Variants in TOR3A observed in about 807,000 individuals in gnomAD.
The protein encoded by TOR3A is torsin family 3 member A.
TOR3A carries 44 observed loss-of-function variants against 42.1 expected under a neutral mutation model. That is an observed-to-expected ratio of 1.04 (90% CI 0.82 to 1.34). The LOEUF is 1.34. TOR3A is among the 40% of genes most tolerant of loss of function. The pLI, the probability that TOR3A is intolerant of heterozygous loss-of-function variation, is 0.00. For synonymous variants in TOR3A, 227 were observed against 213.2 expected (o/e 1.06, Z -0.57); for missense variants, 521 against 507.6 (o/e 1.03, Z -0.25).
At chr1:179,083,633 A>G (rs903031267) in intron 2 of TOR3A, among the ~76,000 whole-genome samples, 4 of 143,714 alleles carry the variant, frequency 2.8e-5, no homozygotes, top group Middle Eastern at 3.7e-3. Flanking sequence ...CCGGTCTCGA[A>G]CTCCTGACCT....
rs983597706 is a variant in TOR3A at position 179,095,623 on chromosome 1, T to C, written c.*405T>C. On this transcript the variant is annotated 3_prime_UTR_variant, in exon 6 of 6. Coordinates refer to ENST00000367627, the MANE Select transcript of TOR3A (RefSeq NM_022371.4). ...CAGATGGTCTCCTTAGCATCTCAGC[T>C]CTTCTGCAAGGAAGAGCTTGGGTGT... 4 of 1,040,638 alleles carry C rather than the reference T, an allele frequency of 3.8e-6. No homozygotes were observed. In the African/African-American group the frequency reaches 6.8e-5, roughly 18 times the overall value. The allele number at this position is 1,040,638 out of a possible 1,614,324, so 64.5% of individuals were successfully genotyped here.
chr1:179,086,150 C>T (rs953285785), intron 3 of TOR3A, among the ~76,000 whole-genome samples: 4 of 152,306 alleles, frequency 2.6e-5, no homozygotes, highest in South Asian at 4.1e-4. Context: ...TAAGCAGGGA[C>T]GCTGCATGTT....
intron 2 of TOR3A, 101 bp from the exon 3 acceptor site, chr1:179,085,527 C>A: frequency 6.8e-7 from 1 of 1,472,834 alleles, no homozygotes; most frequent in Non-Finnish European, 9.3e-7. Context: ...CTGATTCCAC[C>A]CGAGAGAGAT....
intron 2 of TOR3A, chr1:179,085,422 CA>C (rs369392265): frequency 0.19 from 81,896 of 435,160 alleles, 8 homozygotes; most frequent in East Asian, 0.22. Flanking sequence ...GACTCCATCT[CA>C]AAAAAAAAAA....
Position 179,083,007 on chromosome 1 carries a change from AG to A in TOR3A, c.328del (p.Asp110ThrfsTer17), listed in dbSNP as rs1184939471. 6.3e-7 allele frequency: 1 copy of A among 1,587,336 alleles called. No homozygotes were observed. The highest frequency in any genetic ancestry group is 8.6e-7 in the Non-Finnish European group (1 of 1,167,802). The part of the protein sequence containing the change: ...LLTTWYCSFK[D>X]CCPRGDCRIS... ...TGACCACGTGGTACTGCAGCTTCAAAGACTGCTGCCCTAGAGGGGATTGCAG... is the reference window on the plus strand; with the variant it reads ...TGACCACGTGGTACTGCAGCTTCAAAACTGCTGCCCTAGAGGGGATTGCAG... On this transcript the variant is annotated frameshift_variant, in exon 2 of 6. Transcript: ENST00000367627. LOFTEE classifies it high-confidence loss of function.
In TOR3A at chr1:179,095,500, C is replaced by A. The variant is rs569227331; in HGVS notation, c.*282C>A. On this transcript the variant is annotated 3_prime_UTR_variant, in exon 6 of 6. Coordinates refer to ENST00000367627, the MANE Select transcript of TOR3A (RefSeq NM_022371.4). ...AAGATCACTTGGTGCCTTAAAGACA[C>A]GCATTCCAAAGTGGAATGTGGTTGA... 3.1e-6 allele frequency: 4 copies of A among 1,277,076 alleles called. No homozygotes were observed. The highest frequency in any genetic ancestry group is 4.0e-6 in the Non-Finnish European group (4 of 1,009,616). The allele number at this position is 1,277,076 out of a possible 1,614,324, so 79.1% of individuals were successfully genotyped here. A position where few individuals can be genotyped will look rare whatever the true frequency, so the allele number is the denominator to read the frequency against.
At chr1:179,090,017 G>A (rs562805031) in intron 4 of TOR3A, among the ~76,000 whole-genome samples, 7 of 151,222 alleles carry the variant, frequency 4.6e-5, no homozygotes, top group African/African-American at 7.3e-5. Context: ...TATTTTGGCC[G>A]TCGACCTGAC....
chr1:179,095,414 GAGGT>G lies in TOR3A; in HGVS notation c.*197_*200del. 1.2e-5 allele frequency: 16 copies of G among 1,330,932 alleles called. No homozygotes were observed. Among genetic ancestry groups the G allele is most frequent in the South Asian group, 4.4e-5 (2 of 45,246 alleles). The allele number at this position is 1,330,932 out of a possible 1,614,324, so 82.4% of individuals were successfully genotyped here. A position where few individuals can be genotyped will look rare whatever the true frequency, so the allele number is the denominator to read the frequency against. ...AAGCCAATCCTTTTTCTTTTTTTTG[GAGGT>G]CCCACCGAGATAGATAGGAACTTGG... On this transcript the variant is annotated 3_prime_UTR_variant, in exon 6 of 6. Transcript: ENST00000367627.
In TOR3A at chr1:179,095,388, CA is replaced by C; in HGVS notation, c.*172del. ...AAAAGGCAGGCCTTACATTAGAAGC[CA>C]AGCCAATCCTTTTTCTTTTTTTTGG... On this transcript the variant is annotated 3_prime_UTR_variant, in exon 6 of 6. Coordinates refer to ENST00000367627, the MANE Select transcript of TOR3A (RefSeq NM_022371.4). 1 of 1,464,610 alleles carries C rather than the reference CA, an allele frequency of 6.8e-7. No individual in the cohort carries two copies. The highest frequency in any genetic ancestry group is 1.4e-5 in the African/African-American group (1 of 70,838). 90.7% of individuals were successfully genotyped at this position (1,464,610 alleles called of 1,614,324 possible).
At chr1:179,088,247 C>T in intron 4 of TOR3A, 158 bp downstream of exon 4, 1 of 783,960 alleles carries the variant, frequency 1.3e-6, no homozygotes, top group Non-Finnish European at 1.8e-6. Context: ...GTAGCTCACG[C>T]CTGTAATCCC....
In TOR3A at chr1:179,095,184, C is replaced by CTAT. The variant is rs1652704728; in HGVS notation, c.1162_1164dup (p.Ile388dup). ...CTCTTTTCTTCCCAGGGCTGCAAGT[C>CTAT]TATTTCCCAGAGGATTAACTACTTC... On this transcript the variant is annotated inframe_insertion, in exon 6 of 6. Coordinates refer to ENST00000367627, the MANE Select transcript of TOR3A (RefSeq NM_022371.4). 6.2e-7 allele frequency: 1 copy of CTAT among 1,614,086 alleles called. No individual in the cohort carries two copies. The highest frequency in any genetic ancestry group is 1.1e-5 in the South Asian group (1 of 91,074).
At chr1:179,092,182 T>C (rs73045671) in intron 4 of TOR3A, among the ~76,000 whole-genome samples, 14,937 of 152,238 alleles carry the variant, frequency 0.098, 758 homozygotes, top group Admixed American at 0.14. Context: ...CTCTACGCAA[T>C]GGTGGAGGCA....
Position 179,082,400 on chromosome 1 carries a change from C to T in TOR3A, c.259+13C>T, listed in dbSNP as rs1212124673. On this transcript the variant is annotated intron_variant, in intron 1 of 5. Coordinates refer to ENST00000367627, the MANE Select transcript of TOR3A (RefSeq NM_022371.4). ...ACGGGGCCCCTGGGTAAGACCCCGT[C>T]CCCACGGTCCGCCGTTCGCTGCGGA... 6.3e-7 allele frequency: 1 copy of T among 1,590,792 alleles called. No homozygotes were observed. The highest frequency in any genetic ancestry group is 8.5e-7 in the Non-Finnish European group (1 of 1,171,904).
intron 3 of TOR3A, among the ~76,000 whole-genome samples, chr1:179,087,332 G>A (rs1395492608): frequency 2.0e-5 from 3 of 152,150 alleles, no homozygotes; most frequent in Non-Finnish European, 2.9e-5. Context: ...CTGAGATCTC[G>A]GCCCAGCCAG....
intron 2 of TOR3A, among the ~76,000 whole-genome samples, chr1:179,083,636 C>T (rs187872488): frequency 6.7e-6 from 1 of 148,186 alleles, no homozygotes; most frequent in Non-Finnish European, 1.5e-5. Flanking sequence ...GTCTCGAACT[C>T]CTGACCTTGT....
At chr1:179,082,658 G>T (rs993890185) in intron 1 of TOR3A, 15 of 706,974 alleles carry the variant, frequency 2.1e-5, no homozygotes, top group Non-Finnish European at 3.8e-5. Context: ...AGATTCTCTC[G>T]CACCGCCTGT....
chr1:179,095,191 C>T lies in TOR3A; in HGVS notation c.1167C>T (p.Ser389=). Residue 389 remains serine (S), a synonymous_variant, in exon 6 of 6, where the codon TCC becomes TCT. Transcript: ENST00000367627. ...LFSSQGCKSI[S]QRINYFLS is the part of the protein sequence containing the mutation. Reference sequence around the variant, plus strand: ...CTTCCCAGGGCTGCAAGTCTATTTCCCAGAGGATTAACTACTTCCTGTCAT... The same window carrying T: ...CTTCCCAGGGCTGCAAGTCTATTTCTCAGAGGATTAACTACTTCCTGTCAT... 6.2e-7 allele frequency: 1 copy of T among 1,614,096 alleles called. No homozygotes were observed. The highest frequency in any genetic ancestry group is 8.5e-7 in the Non-Finnish European group (1 of 1,180,010).
At position 179,094,177 on chromosome 1, in the gene TOR3A, C is replaced by G. The variant is rs145238611; in HGVS notation, c.903C>G (p.His301Gln). Residue 301 changes from histidine to glutamine, a missense_variant, in exon 5 of 6, where the codon CAC becomes CAG. Coordinates refer to ENST00000367627, the MANE Select transcript of TOR3A (RefSeq NM_022371.4). ...GWSREEITME[H>Q]LEPHLQAEIV... ...CCCGGGAAGAAATTACGATGGAACA[C>G]CTGGAGCCCCACCTCCAGGCGGAGA... 2.3e-4 allele frequency: 378 copies of G among 1,613,966 alleles called. No individual in the cohort carries two copies. The highest frequency in any genetic ancestry group is 3.1e-4 in the Non-Finnish European group (367 of 1,179,988).
At position 179,087,985 on chromosome 1, in the gene TOR3A, G is replaced by A; in HGVS notation, c.714G>A (p.Glu238=). The A allele has an allele frequency of 6.2e-7, 1 of 1,613,442 alleles. No individual in the cohort carries two copies. Among genetic ancestry groups the A allele is most frequent in the African/African-American group, 1.3e-5 (1 of 75,028 alleles). The change falls in exon 4 of 6, where the codon GAG becomes GAA. Residue 238 remains glutamate (E), a synonymous_variant. Coordinates refer to ENST00000367627, the MANE Select transcript of TOR3A (RefSeq NM_022371.4). ...HQTLFIFDEA[E]KLHPGLLEVL... is the part of the protein sequence containing the mutation. ...CCCTGTTCATCTTCGATGAAGCGGAGAAGCTGCACCCAGGGCTGCTGGAGG... is the reference window on the plus strand; with the variant it reads ...CCCTGTTCATCTTCGATGAAGCGGAAAAGCTGCACCCAGGGCTGCTGGAGG...
Sources: allele counts gnomAD v4.1 joint callset (sites outside exome capture counted in the v4.1 genomes callset), GRCh38; gene constraint gnomAD v4.1.1; transcripts MANE v1.5; gene names NCBI Gene and HGNC (gene_info 2026-07-23, HGNC 2026-07-21).